EFNA5: variants seen among roughly 807,000 people sequenced by gnomAD.
EFNA5 encodes the protein ephrin-A5.
EFNA5 carries 5 observed loss-of-function variants against 22.9 expected under a neutral mutation model. The observed-to-expected ratio is 0.22, with a 90% CI of 0.11 to 0.46. The LOEUF is 0.46. EFNA5 is among the 20% of genes least tolerant of loss of function. The pLI, the probability that EFNA5 is intolerant of heterozygous loss-of-function variation, is 0.99. For synonymous variants in EFNA5, 113 were observed against 112.2 expected (o/e 1.01, Z -0.04); for missense variants, 237 against 293.3 (o/e 0.81, Z 1.40).
At chr5:107,396,585 AGTG>A (rs1747933729) in intron 2 of EFNA5, among the ~76,000 whole-genome samples, 1 of 152,088 alleles carries the variant, frequency 6.6e-6, no homozygotes. Flanking sequence ...AGGTGTGGAT[AGTG>A]GTGATTAAAA....
intron 1 of EFNA5, among the ~76,000 whole-genome samples, chr5:107,514,496 TG>T (rs1287333085): frequency 6.6e-5 from 10 of 152,182 alleles, no homozygotes; most frequent in Non-Finnish European, 1.5e-4. Context: ...ATTTGTGAAA[TG>T]CTTGTTTTAA....
chr5:107,469,075 C>T (rs1253745784), intron 1 of EFNA5, among the ~76,000 whole-genome samples: 1 of 152,068 alleles, frequency 6.6e-6, no homozygotes, highest in African/African-American at 2.4e-5. Context: ...TTGCAGGATC[C>T]AGTGCAAAAT....
intron 1 of EFNA5, among the ~76,000 whole-genome samples, chr5:107,516,005 G>T (rs1270500605): frequency 6.6e-6 from 1 of 152,096 alleles, no homozygotes; most frequent in African/African-American, 2.4e-5. Context: ...CTAGACACTA[G>T]AATTTTATTT....
chr5:107,530,901 C>T (rs1258228519), intron 1 of EFNA5, among the ~76,000 whole-genome samples: 1 of 152,118 alleles, frequency 6.6e-6, no homozygotes, highest in African/African-American at 2.4e-5. Context: ...TGGGACATTG[C>T]CTCTCCTGTA....
At chr5:107,581,439 A>T (rs1027542301) in intron 1 of EFNA5, among the ~76,000 whole-genome samples, 1 of 152,208 alleles carries the variant, frequency 6.6e-6, no homozygotes, top group African/African-American at 2.4e-5. Context: ...AACAGCCAAA[A>T]ATAGTGAAAA....
At chr5:107,508,819 A>C (rs1747302838) in intron 1 of EFNA5, among the ~76,000 whole-genome samples, 2 of 152,234 alleles carry the variant, frequency 1.3e-5, no homozygotes, top group African/African-American at 4.8e-5. Flanking sequence ...GTGTTTCAAT[A>C]ATTAATAATT....
chr5:107,523,491 G>A lies in EFNA5; in HGVS notation c.126-95982C>T, dbSNP rs75680648. On this transcript the variant is annotated intron_variant, in intron 1 of 4. Transcript: ENST00000333274. ...TCCAAAAGCTCTGGCTCACAAGGGG[G>A]CCAGCAGGTGGAGAGCAGATGAATC... Among the ~76,000 whole-genome samples, 121 of 152,304 alleles carry A rather than the reference G, an allele frequency of 7.9e-4. No individual in the cohort carries two copies. In the East Asian group the frequency reaches 0.022, roughly 28 times the overall value.
At chr5:107,438,378 T>C (rs1749169949) in intron 1 of EFNA5, among the ~76,000 whole-genome samples, 1 of 152,114 alleles carries the variant, frequency 6.6e-6, no homozygotes, top group Non-Finnish European at 1.5e-5. Flanking sequence ...CATCCTGCAA[T>C]CGCCTATCAC....
Position 107,620,944 on chromosome 5 carries a change from A to G in EFNA5, c.125+49545T>C, listed in dbSNP as rs186086348. ...AGGAGTAAGAAAAATCCATATTTGG[A>G]TCATCACGTGTAAGAGAGTGAGAAA... On this transcript the variant is annotated intron_variant, in intron 1 of 4. Coordinates refer to ENST00000333274, the MANE Select transcript of EFNA5 (RefSeq NM_001962.3). Among the ~76,000 whole-genome samples the G allele has an allele frequency of 2.0e-5, 3 of 152,336 alleles. No homozygotes were observed. The East Asian group carries it at 5.8e-4, about 29-fold the overall frequency.
chr5:107,392,085 C>G (rs1747805960), intron 2 of EFNA5, among the ~76,000 whole-genome samples: 1 of 152,200 alleles, frequency 6.6e-6, no homozygotes, highest in African/African-American at 2.4e-5. Context: ...ATGTAACATT[C>G]ATACCACAAT....
In EFNA5 at chr5:107,591,825, A is replaced by AT; in HGVS notation, c.125+78663_125+78664insA. Among the ~76,000 whole-genome samples the AT allele has an allele frequency of 5.9e-5, 6 of 102,518 alleles. No individual in the cohort carries two copies. The Admixed American group carries it at 6.1e-4, about 10-fold the overall frequency. The allele number at this position is 102,518 out of a possible 152,430, so 67.3% of individuals were successfully genotyped here. A position where few individuals can be genotyped will look rare whatever the true frequency, so the allele number is the denominator to read the frequency against. ...GGCAAAGGGAGACTCCGTCTCAAAA[A>AT]AATATATATATATATATAAAATATA... On this transcript the variant is annotated intron_variant, in intron 1 of 4. Coordinates refer to ENST00000333274, the MANE Select transcript of EFNA5 (RefSeq NM_001962.3).
At chr5:107,525,203 T>C (rs1747670114) in intron 1 of EFNA5, among the ~76,000 whole-genome samples, 2 of 152,086 alleles carry the variant, frequency 1.3e-5, no homozygotes, top group African/African-American at 2.4e-5. Context: ...ATAAAAGAGA[T>C]TGTAAGATTA....
chr5:107,498,955 AGTAT>A (rs60164431), intron 1 of EFNA5, among the ~76,000 whole-genome samples: 57 of 148,574 alleles, frequency 3.8e-4, no homozygotes, highest in Middle Eastern at 3.4e-3. Context: ...TATGTATATA[AGTAT>A]GTATGTATGT....
intron 1 of EFNA5, among the ~76,000 whole-genome samples, chr5:107,612,564 T>C (rs1380026154): frequency 6.6e-6 from 1 of 152,098 alleles, no homozygotes; most frequent in Non-Finnish European, 1.5e-5. Context: ...GTAAACATAA[T>C]TGGTAACTGT....
At chr5:107,405,489 A>AT (rs1378591459) in intron 2 of EFNA5, among the ~76,000 whole-genome samples, 7 of 152,154 alleles carry the variant, frequency 4.6e-5, no homozygotes, top group East Asian at 1.9e-4. Flanking sequence ...CTTTGTATCT[A>AT]TTTTTTTCCT....
chr5:107,638,797 G>A (rs750277773), intron 1 of EFNA5, among the ~76,000 whole-genome samples: 2 of 152,092 alleles, frequency 1.3e-5, no homozygotes, highest in Non-Finnish European at 2.9e-5. Flanking sequence ...TAACAGAATA[G>A]ATCTTAAGCG....
Position 107,523,222 on chromosome 5 carries a change from C to T in EFNA5, c.126-95713G>A, listed in dbSNP as rs149066620. ...ATGCCAGACACCTCTGGAAGGGCAG[C>T]TATCTTAGTATTATCCAGAGTTGGG... On this transcript the variant is annotated intron_variant, in intron 1 of 4. Transcript: ENST00000333274. 1.6e-3 allele frequency among the ~76,000 whole-genome samples: 249 copies of T among 152,096 alleles called. 2 individuals are homozygous for T. The highest frequency in any genetic ancestry group is 5.6e-3 in the African/African-American group (232 of 41,484).
At chr5:107,434,113 G>A (rs1056669162) in intron 1 of EFNA5, among the ~76,000 whole-genome samples, 2 of 152,154 alleles carry the variant, frequency 1.3e-5, no homozygotes, top group African/African-American at 4.8e-5. Context: ...AGCTGTAAGA[G>A]CTTTGTCCTC....
intron 1 of EFNA5, among the ~76,000 whole-genome samples, chr5:107,529,904 A>C (rs1448703883): frequency 2.6e-5 from 4 of 152,232 alleles, no homozygotes; most frequent in African/African-American, 9.6e-5. Flanking sequence ...AACTTACATA[A>C]TGAGAAAATA....
Sources: allele counts gnomAD v4.1 joint callset (sites outside exome capture counted in the v4.1 genomes callset), GRCh38; gene constraint gnomAD v4.1.1; transcripts MANE v1.5; gene names NCBI Gene and HGNC (gene_info 2026-07-23, HGNC 2026-07-21).